Variants in NPFFR2 observed in about 807,000 individuals in gnomAD.
NPFFR2 encodes neuropeptide FF receptor 2.
Under a neutral mutation model 13.1 loss-of-function variants are expected in NPFFR2, and 15 were observed. That is an observed-to-expected ratio of 1.15 (90% CI 0.77 to 1.76). The LOEUF is 1.76. Among genes scored for constraint, NPFFR2 ranks in the 40% most tolerant of loss-of-function variants. The pLI is 0.00. For missense variants in NPFFR2, 572 were observed against 503.5 expected (o/e 1.14, Z -1.30); for synonymous variants, 190 against 175.7 (o/e 1.08, Z -0.65).
At chr4:72,074,743 T>C (rs1227320359) in intron 1 of NPFFR2, among the ~76,000 whole-genome samples, 1 of 151,922 alleles carries the variant, frequency 6.6e-6, no homozygotes, top group Non-Finnish European at 1.5e-5. Flanking sequence ...GCAAAATAGA[T>C]GGAAAAAAAC....
At chr4:72,034,414 C>G (rs1033456416) in intron 1 of NPFFR2, among the ~76,000 whole-genome samples, 2 of 152,042 alleles carry the variant, frequency 1.3e-5, no homozygotes, top group African/African-American at 4.8e-5. Context: ...GGGGGAAAAG[C>G]CCCCTATAAA....
intron 2 of NPFFR2, among the ~76,000 whole-genome samples, chr4:72,135,946 A>G (rs1257189335): frequency 6.6e-6 from 1 of 152,112 alleles, no homozygotes; most frequent in East Asian, 1.9e-4. Flanking sequence ...TGGGATATCC[A>G]TCACCTCAAG....
intron 1 of NPFFR2, among the ~76,000 whole-genome samples, chr4:72,067,466 T>C (rs1468843234): frequency 6.6e-6 from 1 of 152,206 alleles, no homozygotes; most frequent in Non-Finnish European, 1.5e-5. Flanking sequence ...GAATAATACC[T>C]GGCTTCCTTC....
chr4:72,034,840 C>T (rs1719003746), intron 1 of NPFFR2, among the ~76,000 whole-genome samples: 1 of 152,150 alleles, frequency 6.6e-6, no homozygotes, highest in Admixed American at 6.5e-5. Flanking sequence ...ACTGCCCATA[C>T]AAAAAGATGC....
chr4:72,141,696 G>C (rs1722631906), intron 3 of NPFFR2, among the ~76,000 whole-genome samples: 2 of 152,166 alleles, frequency 1.3e-5, no homozygotes, highest in South Asian at 2.1e-4. Flanking sequence ...GGTCAGTTTT[G>C]GAGTAAGTGT....
At chr4:72,070,563 G>T (rs199895090) in intron 1 of NPFFR2, among the ~76,000 whole-genome samples, 129,815 of 137,316 alleles carry the variant, frequency 0.95, 61,649 homozygotes, top group Non-Finnish European at 0.98. Flanking sequence ...GTGTGTGTGG[G>T]GGGGGGGGGT....
intron 1 of NPFFR2, among the ~76,000 whole-genome samples, chr4:72,110,562 TG>T (rs1721536580): frequency 6.6e-6 from 1 of 151,996 alleles, no homozygotes; most frequent in African/African-American, 2.4e-5. Context: ...AAGACAAAGT[TG>T]GTTTCCCTAG....
intron 1 of NPFFR2, among the ~76,000 whole-genome samples, chr4:72,085,538 T>C (rs1053045075): frequency 6.6e-6 from 1 of 152,196 alleles, no homozygotes; most frequent in Admixed American, 6.6e-5. Flanking sequence ...CCTCATAGCA[T>C]AAAACCTTTC....
intron 1 of NPFFR2, among the ~76,000 whole-genome samples, chr4:72,083,610 G>A (rs575900455): frequency 2.6e-5 from 4 of 152,166 alleles, no homozygotes; most frequent in Non-Finnish European, 5.9e-5. Context: ...CACTTCCTCT[G>A]CCTAAACTCT....
At chr4:72,072,343 A>G (rs1720281713) in intron 1 of NPFFR2, among the ~76,000 whole-genome samples, 1 of 152,136 alleles carries the variant, frequency 6.6e-6, no homozygotes, top group African/African-American at 2.4e-5. Flanking sequence ...AATGTATGAA[A>G]AAAATAGAAA....
At chr4:72,065,790 C>A (rs1439854659) in intron 1 of NPFFR2, among the ~76,000 whole-genome samples, 3 of 152,008 alleles carry the variant, frequency 2.0e-5, no homozygotes, top group African/African-American at 7.2e-5. Flanking sequence ...AGGAACTATC[C>A]CAGGCAAATC....
chr4:72,038,417 G>A (rs1257344317), intron 1 of NPFFR2, among the ~76,000 whole-genome samples: 1 of 152,160 alleles, frequency 6.6e-6, no homozygotes, highest in Admixed American at 6.5e-5. Flanking sequence ...TAGATACTCA[G>A]AAAATATTTG....
intron 1 of NPFFR2, among the ~76,000 whole-genome samples, chr4:72,107,339 T>A (rs894036571): frequency 3.3e-5 from 5 of 151,094 alleles, no homozygotes; most frequent in Non-Finnish European, 7.4e-5. Context: ...CATATTCACC[T>A]CACTGAACTT....
At position 72,137,972 on chromosome 4, in the gene NPFFR2, T is replaced by C; in HGVS notation, c.329-68T>C. 4.0e-6 allele frequency: 5 copies of C among 1,234,894 alleles called. No homozygotes were observed. The South Asian group carries it at 6.3e-5, about 16-fold the overall frequency. The allele number at this position is 1,234,894 out of a possible 1,614,324, so 76.5% of individuals were successfully genotyped here. On this transcript the variant is annotated intron_variant, in intron 2 of 3. Transcript: ENST00000308744. ...TACATTAGTCTCGTTTCCACAACTT[T>C]CTATTTTCATTTTCAGTGAGATTTT...
At chr4:72,067,782 C>T (rs1442042589) in intron 1 of NPFFR2, among the ~76,000 whole-genome samples, 1 of 152,168 alleles carries the variant, frequency 6.6e-6, no homozygotes, top group African/African-American at 2.4e-5. Context: ...ACTGTTCAGA[C>T]AAATTATTTT....
chr4:72,079,318 G>C (rs948235870), intron 1 of NPFFR2, among the ~76,000 whole-genome samples: 1 of 150,226 alleles, frequency 6.7e-6, no homozygotes, highest in East Asian at 1.9e-4. Context: ...ATTTTTTTTA[G>C]TTCCTATTGA....
chr4:72,083,744 G>A (rs368095558), intron 1 of NPFFR2, among the ~76,000 whole-genome samples: 1 of 152,102 alleles, frequency 6.6e-6, no homozygotes, highest in South Asian at 2.1e-4. Context: ...TTCCCAAATT[G>A]ATCTCATTAT....
At chr4:72,043,108 C>T (rs368803000) in intron 1 of NPFFR2, among the ~76,000 whole-genome samples, 33 of 152,226 alleles carry the variant, frequency 2.2e-4, no homozygotes, top group African/African-American at 7.0e-4. Flanking sequence ...CATTTCGGGC[C>T]ATTGCAATTC....
At chr4:72,082,876 T>A (rs994153656) in intron 1 of NPFFR2, among the ~76,000 whole-genome samples, 1 of 152,124 alleles carries the variant, frequency 6.6e-6, no homozygotes, top group Non-Finnish European at 1.5e-5. Context: ...AAGTTAGACT[T>A]CTTTATATTC....
Sources: allele counts gnomAD v4.1 joint callset (sites outside exome capture counted in the v4.1 genomes callset), GRCh38; gene constraint gnomAD v4.1.1; transcripts MANE v1.5; gene names NCBI Gene and HGNC (gene_info 2026-07-23, HGNC 2026-07-21).